The following KREMEN1 variants were observed in gnomAD, a reference collection of about 807,000 sequenced individuals.
The protein encoded by KREMEN1 is kringle containing transmembrane protein 1.
Under a neutral mutation model 46.5 loss-of-function variants are expected in KREMEN1, and 30 were observed. The ratio of observed to expected loss-of-function variants is 0.65; its 90% CI spans 0.48 to 0.88. The LOEUF is 0.88. KREMEN1 is among the 40% of genes least tolerant of loss of function. The pLI is 0.00. For missense variants in KREMEN1, 533 were observed against 596.9 expected (o/e 0.89, Z 1.11); for synonymous variants, 214 against 230.6 (o/e 0.93, Z 0.65).
At chr22:29,140,627 G>C (rs961927459) in intron 8 of KREMEN1, among the ~76,000 whole-genome samples, 1 of 152,152 alleles carries the variant, frequency 6.6e-6, no homozygotes, top group Non-Finnish European at 1.5e-5. Flanking sequence ...CAACATTCCT[G>C]GCTTAAAAAG....
intron 3 of KREMEN1, among the ~76,000 whole-genome samples, chr22:29,108,325 T>C (rs186855632): frequency 5.6e-4 from 85 of 152,306 alleles, no homozygotes; most frequent in African/African-American, 1.9e-3. Flanking sequence ...TGAAGTCTTA[T>C]CTCTTCCTCT....
intron 5 of KREMEN1, among the ~76,000 whole-genome samples, chr22:29,128,893 A>G (rs2038488453): frequency 6.6e-6 from 1 of 152,248 alleles, no homozygotes. Flanking sequence ...TAACAATAGT[A>G]AAAATAGATC....
At chr22:29,151,212 C>G (rs892505880), downstream of KREMEN1, among the ~76,000 whole-genome samples, 2 of 152,164 alleles carry the variant, frequency 1.3e-5, no homozygotes, top group Admixed American at 6.5e-5. Context: ...CCCCTGCCCC[C>G]TGAAACCCTT....
Position 29,146,141 on chromosome 22 carries a change from G to T in KREMEN1, c.*4029G>T, listed in dbSNP as rs2038857634. The T allele has an allele frequency of 1.0e-6, 1 of 985,994 alleles. No individual in the cohort carries two copies. Among genetic ancestry groups the T allele is most frequent in the Non-Finnish European group, 1.2e-6 (1 of 830,030 alleles). The allele number at this position is 985,994 out of a possible 1,614,324, so 61.1% of individuals were successfully genotyped here. A position where few individuals can be genotyped will look rare whatever the true frequency, so the allele number is the denominator to read the frequency against. On this transcript the variant is annotated 3_prime_UTR_variant, in exon 9 of 9. Coordinates refer to ENST00000400335, the MANE Select transcript of KREMEN1 (RefSeq NM_001039570.3). ...CACCACCTGGCACCGTTAGGTTTCA[G>T]ATCTCCCGTGTGGTGTTTGATGTCG... is the stretch of plus-strand genomic sequence containing the variant.
chr22:29,093,106 G>A (rs2037828009), intron 1 of KREMEN1, among the ~76,000 whole-genome samples: 1 of 152,210 alleles, frequency 6.6e-6, no homozygotes, highest in African/African-American at 2.4e-5. Flanking sequence ...GGAAGGAGGT[G>A]CTGGAAGAGA....
chr22:29,082,482 G>A (rs1231639257), intron 1 of KREMEN1, among the ~76,000 whole-genome samples: 2 of 152,310 alleles, frequency 1.3e-5, no homozygotes, highest in Non-Finnish European at 2.9e-5. Flanking sequence ...GTATTGCTAG[G>A]TAAGTCTTGA....
At chr22:29,093,150 A>C (rs7286634) in intron 1 of KREMEN1, among the ~76,000 whole-genome samples, 10,535 of 152,206 alleles carry the variant, frequency 0.069, 466 homozygotes, top group East Asian at 0.12. Context: ...TATTAAAAGA[A>C]ATATCTGCCA....
chr22:29,147,737 C>T (rs2038883247), downstream of KREMEN1, among the ~76,000 whole-genome samples: 1 of 152,210 alleles, frequency 6.6e-6, no homozygotes, highest in Non-Finnish European at 1.5e-5. Context: ...ATGCTGAGGG[C>T]ATGCCTGGGC....
At chr22:29,166,090 C>A (rs1192483794) in intron 9 of KREMEN1, among the ~76,000 whole-genome samples, 1 of 152,222 alleles carries the variant, frequency 6.6e-6, no homozygotes, top group African/African-American at 2.4e-5. Context: ...CATGCACACA[C>A]AGGTACAAGC....
intron 3 of KREMEN1, among the ~76,000 whole-genome samples, chr22:29,116,444 G>A (rs998297557): frequency 3.9e-5 from 6 of 152,178 alleles, no homozygotes; most frequent in African/African-American, 1.4e-4. Context: ...TAGAAGGGCA[G>A]CAGGCTGTGG....
At chr22:29,074,307 G>T (rs1273296404) in intron 1 of KREMEN1, among the ~76,000 whole-genome samples, 1 of 152,254 alleles carries the variant, frequency 6.6e-6, no homozygotes, top group Non-Finnish European at 1.5e-5. Flanking sequence ...AGGAAGCAGT[G>T]ATGGGAAACT....
chr22:29,116,989 T>A (rs1260942164), intron 3 of KREMEN1, among the ~76,000 whole-genome samples: 1 of 152,222 alleles, frequency 6.6e-6, no homozygotes. Context: ...TTTTGTGTGG[T>A]GAGCCACATT....
chr22:29,106,882 G>A (rs1299919920), intron 3 of KREMEN1, among the ~76,000 whole-genome samples: 1 of 152,166 alleles, frequency 6.6e-6, no homozygotes, highest in Non-Finnish European at 1.5e-5. Context: ...GGCGACAGAG[G>A]GTCTGCAGTT....
In KREMEN1 at chr22:29,146,746, G is replaced by A. The variant is rs1667334339; in HGVS notation, c.*4634G>A. 3 of 936,320 alleles carry A rather than the reference G, an allele frequency of 3.2e-6. No homozygotes were observed. The highest frequency in any genetic ancestry group is 3.8e-6 in the Non-Finnish European group (3 of 784,972). 58.0% of individuals were successfully genotyped at this position (936,320 alleles called of 1,614,324 possible). ...GTTATTTAAGAAAATGGAATGTAAT[G>A]GTACTTTTACAAACGAGAAAAAATG... is the stretch of plus-strand genomic sequence containing the variant. On this transcript the variant is annotated 3_prime_UTR_variant, in exon 9 of 9. Transcript: ENST00000400335.
chr22:29,115,245 G>A (rs1412745018), intron 3 of KREMEN1, among the ~76,000 whole-genome samples: 2 of 152,224 alleles, frequency 1.3e-5, no homozygotes, highest in Non-Finnish European at 2.9e-5. Context: ...AAGATGCAAA[G>A]GCGTAAGAAT....
At chr22:29,141,409 C>T (rs1363418300) in intron 8 of KREMEN1, among the ~76,000 whole-genome samples, 6 of 152,216 alleles carry the variant, frequency 3.9e-5, no homozygotes, top group Non-Finnish European at 8.8e-5. Flanking sequence ...CCCAATGCTT[C>T]CTATAGCGTC....
chr22:29,153,700 G>C (rs1165618469), intron 9 of KREMEN1, among the ~76,000 whole-genome samples: 1 of 152,086 alleles, frequency 6.6e-6, no homozygotes, highest in African/African-American at 2.4e-5. Flanking sequence ...ATAGGTACAG[G>C]CTGGGCATGG....
At chr22:29,153,623 T>C (rs562135764) in intron 9 of KREMEN1, among the ~76,000 whole-genome samples, 18 of 152,120 alleles carry the variant, frequency 1.2e-4, no homozygotes, top group Non-Finnish European at 2.4e-4. Flanking sequence ...CCTCCCGAAG[T>C]GCTGAGATTA....
intron 2 of KREMEN1, among the ~76,000 whole-genome samples, chr22:29,094,822 A>T (rs554320792): frequency 6.6e-5 from 10 of 151,940 alleles, no homozygotes; most frequent in African/African-American, 2.2e-4. Flanking sequence ...ACAGGGTTTC[A>T]ACCGTGTTAG....
Sources: gnomAD v4.1 joint callset for allele counts (sites outside exome capture counted in the v4.1 genomes callset) on GRCh38, gnomAD v4.1.1 for gene constraint, MANE v1.5 for transcripts, NCBI Gene and HGNC (gene_info 2026-07-23, HGNC 2026-07-21) for gene names.